The following GPC5 variants were observed in gnomAD, a reference collection of about 807,000 sequenced individuals.
GPC5 encodes glypican 5, also known as glypican-5.
GPC5 carries 47 observed loss-of-function variants against 53.9 expected under a neutral mutation model. That is an observed-to-expected ratio of 0.87 (90% CI 0.69 to 1.11). The LOEUF is 1.11. Among genes scored for constraint, GPC5 ranks in the 50% most tolerant of loss-of-function variants. The pLI, the probability that GPC5 is intolerant of heterozygous loss-of-function variation, is 0.00. For missense variants in GPC5, 748 were observed against 713.1 expected (o/e 1.05, Z -0.56); for synonymous variants, 286 against 263.3 (o/e 1.09, Z -0.84).
chr13:91,725,650 A>C (rs1257363238), intron 3 of GPC5, among the ~76,000 whole-genome samples: 4 of 152,176 alleles, frequency 2.6e-5, no homozygotes, highest in Admixed American at 2.6e-4. Flanking sequence ...TATTTGAAAA[A>C]ATAATTGCAA....
intron 6 of GPC5, among the ~76,000 whole-genome samples, chr13:92,009,596 G>C (rs2040642147): frequency 6.6e-6 from 1 of 152,126 alleles, no homozygotes; most frequent in Admixed American, 6.5e-5. Flanking sequence ...CAGCAACAAA[G>C]TCTAAAGAAC....
chr13:92,415,326 ATAAT>A (rs1194251022), intron 7 of GPC5, among the ~76,000 whole-genome samples: 2 of 152,218 alleles, frequency 1.3e-5, no homozygotes, highest in African/African-American at 4.8e-5. Context: ...CAGTTAGAAA[ATAAT>A]TAATGTGGTC....
At chr13:91,730,856 T>C (rs1202925173) in intron 4 of GPC5, among the ~76,000 whole-genome samples, 1 of 152,214 alleles carries the variant, frequency 6.6e-6, no homozygotes, top group Non-Finnish European at 1.5e-5. Context: ...GCAGAAATTT[T>C]CCTTTTATAT....
intron 7 of GPC5, among the ~76,000 whole-genome samples, chr13:92,379,617 A>C (rs146805465): frequency 2.0e-4 from 30 of 148,758 alleles, no homozygotes; most frequent in Non-Finnish European, 2.8e-4. Context: ...TGTCCTCTGC[A>C]TATTAGTTCC....
chr13:91,424,991 T>G (rs1878939158), intron 1 of GPC5, among the ~76,000 whole-genome samples: 1 of 152,218 alleles, frequency 6.6e-6, no homozygotes, highest in Non-Finnish European at 1.5e-5. Context: ...TGGGGTGTAA[T>G]GAAGGCTGCA....
At position 91,483,540 on chromosome 13, in the gene GPC5, G is replaced by A. The variant is rs933555508; in HGVS notation, c.325+34618G>A. On this transcript the variant is annotated intron_variant, in intron 2 of 7. Coordinates refer to ENST00000377067, the MANE Select transcript of GPC5 (RefSeq NM_004466.6). ...TCCTGGTAATTAAATGCTGCCTCCT[G>A]AGCTTGGCCATCCAGAGCTTCCGTG... Among the ~76,000 whole-genome samples, 7 of 152,254 alleles carry A rather than the reference G, an allele frequency of 4.6e-5. No homozygotes were observed. In the East Asian group the frequency reaches 9.6e-4, roughly 21 times the overall value.
intron 7 of GPC5, among the ~76,000 whole-genome samples, chr13:92,696,007 G>A (rs982883371): frequency 2.6e-5 from 4 of 152,028 alleles, no homozygotes; most frequent in South Asian, 2.1e-4. Flanking sequence ...CCTCATCCAC[G>A]TCCCTGAAAA....
chr13:92,584,877 C>A (rs1217999439), intron 7 of GPC5, among the ~76,000 whole-genome samples: 4 of 152,096 alleles, frequency 2.6e-5, no homozygotes, highest in Admixed American at 2.0e-4. Flanking sequence ...AGGTGGAAGC[C>A]CGAAGCCTTG....
chr13:91,528,932 C>T (rs1362609077), intron 2 of GPC5, among the ~76,000 whole-genome samples: 1 of 152,164 alleles, frequency 6.6e-6, no homozygotes, highest in Non-Finnish European at 1.5e-5. Context: ...GGAAACCACC[C>T]CCATGATCCA....
chr13:92,346,584 A>C (rs1239087839), intron 7 of GPC5, among the ~76,000 whole-genome samples: 1 of 152,230 alleles, frequency 6.6e-6, no homozygotes, highest in Non-Finnish European at 1.5e-5. Flanking sequence ...ACACTTAAAA[A>C]GATCAGAAGA....
At chr13:92,291,150 G>C (rs565899967) in intron 7 of GPC5, among the ~76,000 whole-genome samples, 4 of 152,096 alleles carry the variant, frequency 2.6e-5, no homozygotes, top group Admixed American at 6.5e-5. Flanking sequence ...GCTCCTGTGC[G>C]GCCGGAGCCT....
At chr13:91,541,523 A>G (rs1279149151) in intron 2 of GPC5, among the ~76,000 whole-genome samples, 4 of 152,086 alleles carry the variant, frequency 2.6e-5, no homozygotes, top group Non-Finnish European at 5.9e-5. Flanking sequence ...TTATGTTTTA[A>G]TATCTAGCAG....
intron 5 of GPC5, among the ~76,000 whole-genome samples, chr13:91,827,207 TTATG>T (rs1391260156): frequency 1.3e-5 from 2 of 151,956 alleles, no homozygotes; most frequent in Non-Finnish European, 2.9e-5. Flanking sequence ...TGTACAACTA[TTATG>T]TATCAATAGA....
At chr13:92,567,322 A>G (rs1458329939) in intron 7 of GPC5, among the ~76,000 whole-genome samples, 1 of 152,136 alleles carries the variant, frequency 6.6e-6, no homozygotes, top group Admixed American at 6.6e-5. Context: ...CTTTTATCAC[A>G]TAATTGATAC....
At chr13:92,220,755 TCTTA>T (rs1315632834) in intron 7 of GPC5, among the ~76,000 whole-genome samples, 1 of 152,214 alleles carries the variant, frequency 6.6e-6, no homozygotes, top group Non-Finnish European at 1.5e-5. Context: ...TCATTTGTCA[TCTTA>T]CTTTGAGTTT....
chr13:92,010,545 T>A (rs2040651390), intron 6 of GPC5, among the ~76,000 whole-genome samples: 1 of 152,178 alleles, frequency 6.6e-6, no homozygotes, highest in South Asian at 2.1e-4. Context: ...CCCAACATAA[T>A]TAGACTTGGA....
At chr13:92,292,941 A>G (rs2043008087) in intron 7 of GPC5, among the ~76,000 whole-genome samples, 1 of 146,126 alleles carries the variant, frequency 6.8e-6, no homozygotes, top group Admixed American at 6.9e-5. Context: ...CCCACTTTAT[A>G]TTTTTCTTTT....
At chr13:91,652,738 G>T (rs2034747604) in intron 2 of GPC5, among the ~76,000 whole-genome samples, 1 of 152,188 alleles carries the variant, frequency 6.6e-6, no homozygotes. Flanking sequence ...TGAAACCACA[G>T]AACTTGAAAC....
chr13:92,866,352 CA>C lies in GPC5; in HGVS notation c.1633del (p.Thr545GlnfsTer13). 6.2e-7 allele frequency: 1 copy of C among 1,613,122 alleles called. No homozygotes were observed. The highest frequency in any genetic ancestry group is 8.5e-7 in the Non-Finnish European group (1 of 1,179,342). ...AAACAGACACTGGCAGTACTTTAGA[CA>C]CAACAGGAGCAGGATGTGCAGTGGC... is the stretch of plus-strand genomic sequence containing the variant. Reference protein sequence around the residue: ...HQTDTGSTLDTTGAGCAVATE... With the variant: ...HQTDTGSTLDXTGAGCAVATE... On this transcript the variant is annotated frameshift_variant, in exon 8 of 8. Transcript: ENST00000377067. LOFTEE classifies it low-confidence loss of function (END_TRUNC).
Sources: allele counts gnomAD v4.1 joint callset (sites outside exome capture counted in the v4.1 genomes callset), GRCh38; gene constraint gnomAD v4.1.1; transcripts MANE v1.5; gene names NCBI Gene and HGNC (gene_info 2026-07-23, HGNC 2026-07-21).